Variants in SAMMSON observed in about 807,000 individuals in gnomAD.
The protein encoded by SAMMSON is survival associated mitochondrial melanoma specific oncogenic non-coding RNA.
chr3:70,097,921 A>G (rs189747131), intron 4 of SAMMSON, among the ~76,000 whole-genome samples: 15 of 152,372 alleles, frequency 9.8e-5, no homozygotes, highest in Admixed American at 7.2e-4. Context: ...AAAGCTTGAG[A>G]AATGAATGTA....
At chr3:70,345,416 C>G (rs1702743015) in intron 7 of SAMMSON, among the ~76,000 whole-genome samples, 4 of 152,216 alleles carry the variant, frequency 2.6e-5, no homozygotes, top group African/African-American at 4.8e-5. Flanking sequence ...TCAAGTGAGA[C>G]TGCTTCATAC....
intron 1 of SAMMSON, among the ~76,000 whole-genome samples, chr3:70,001,790 C>G (rs1474099356): frequency 6.6e-6 from 1 of 152,156 alleles, no homozygotes; most frequent in Non-Finnish European, 1.5e-5. Flanking sequence ...TCCAGAGTTA[C>G]TCAGGATCAG....
Position 70,156,710 on chromosome 3 carries a change from T to C in SAMMSON, n.507+85145T>C, listed in dbSNP as rs554626286. 2.4e-4 allele frequency among the ~76,000 whole-genome samples: 37 copies of C among 152,258 alleles called. No homozygotes were observed. In the East Asian group the frequency reaches 7.0e-3, roughly 29 times the overall value. On this transcript the variant is annotated intron_variant and non_coding_transcript_variant, in intron 4 of 9. Coordinates refer to ENST00000642114, the Ensembl canonical transcript of SAMMSON. The stretch of plus-strand genomic sequence containing the variant: ...ACAGGTCTTTTGGTTGAAATTTTGA[T>C]GTCTAAACTTCTGGAAAATGTCTGA...
chr3:70,164,493 A>G (rs190981430), intron 4 of SAMMSON, among the ~76,000 whole-genome samples: 2 of 152,154 alleles, frequency 1.3e-5, no homozygotes, highest in South Asian at 2.1e-4. Context: ...AATTCTGTAA[A>G]CCTTGTGCCT....
chr3:70,231,298 C>T (rs1347675775), intron 4 of SAMMSON, among the ~76,000 whole-genome samples: 3 of 152,186 alleles, frequency 2.0e-5, no homozygotes, highest in Non-Finnish European at 4.4e-5. Context: ...ACGCTCCTGC[C>T]CCTGCCTTTT....
chr3:70,138,386 C>A (rs923438258), intron 4 of SAMMSON, among the ~76,000 whole-genome samples: 1 of 152,134 alleles, frequency 6.6e-6, no homozygotes, highest in Non-Finnish European at 1.5e-5. Context: ...ATTCAGAGAC[C>A]CACTTCCTAG....
rs890897993 is a variant in SAMMSON at position 70,241,142 on chromosome 3, T to C, written n.508-7965T>C. Among the ~76,000 whole-genome samples, 9 of 152,290 alleles carry C rather than the reference T, an allele frequency of 5.9e-5. No individual in the cohort carries two copies. The South Asian group carries it at 1.7e-3, about 28-fold the overall frequency. On this transcript the variant is annotated intron_variant and non_coding_transcript_variant, in intron 4 of 9. Coordinates refer to ENST00000642114, the Ensembl canonical transcript of SAMMSON. ...GTACCATAAATGACATACGGGCTGA[T>C]AAATTTATCAGTTCCTGGGAGTTGA...
intron 4 of SAMMSON, among the ~76,000 whole-genome samples, chr3:70,130,371 T>C (rs941210552): frequency 1.3e-5 from 2 of 152,208 alleles, no homozygotes; most frequent in Non-Finnish European, 2.9e-5. Flanking sequence ...ATATTTTGCA[T>C]GTGCTAGGGT....
At chr3:70,318,664 G>T (rs1451871390) in intron 7 of SAMMSON, among the ~76,000 whole-genome samples, 2 of 151,886 alleles carry the variant, frequency 1.3e-5, no homozygotes, top group Non-Finnish European at 2.9e-5. Flanking sequence ...ACATTTTCTT[G>T]ATTCTTCAAA....
chr3:70,389,821 C>G (rs1045971396), exon 10 of SAMMSON: 1 of 151,998 alleles, frequency 6.6e-6, no homozygotes, highest in African/African-American at 2.4e-5. Flanking sequence ...ATGTCATTTG[C>G]GATTTGGTAG....
intron 1 of SAMMSON, among the ~76,000 whole-genome samples, chr3:70,005,928 T>A (rs1174594197): frequency 1.3e-5 from 2 of 152,204 alleles, no homozygotes; most frequent in African/African-American, 4.8e-5. Flanking sequence ...AGGCCACCCC[T>A]ATAGAAACTT....
At chr3:70,246,065 T>C (rs890230920) in intron 4 of SAMMSON, among the ~76,000 whole-genome samples, 1 of 151,908 alleles carries the variant, frequency 6.6e-6, no homozygotes, top group Non-Finnish European at 1.5e-5. Context: ...AGTTCTTTTA[T>C]TCCCAAAAGA....
At chr3:70,402,204 T>G (rs1164035448) in intron 2 of SAMMSON, among the ~76,000 whole-genome samples, 1 of 152,196 alleles carries the variant, frequency 6.6e-6, no homozygotes, top group African/African-American at 2.4e-5. Flanking sequence ...CAGTTGTTAT[T>G]TAATCCGGAG....
At chr3:70,207,631 A>G (rs1701305098) in intron 4 of SAMMSON, among the ~76,000 whole-genome samples, 1 of 152,008 alleles carries the variant, frequency 6.6e-6, no homozygotes, top group Non-Finnish European at 1.5e-5. Context: ...ATTCAGAAAA[A>G]GCTCCCCAAA....
chr3:70,404,418 G>C (rs939107776), intron 2 of SAMMSON, among the ~76,000 whole-genome samples: 1 of 152,084 alleles, frequency 6.6e-6, no homozygotes, highest in Non-Finnish European at 1.5e-5. Flanking sequence ...TTTTGATCTT[G>C]TCAAGATTCA....
intron 3 of SAMMSON, among the ~76,000 whole-genome samples, chr3:70,067,507 T>C (rs1367375332): frequency 6.6e-6 from 1 of 152,014 alleles, no homozygotes. Context: ...TCGCCCCCAC[T>C]TGGAACTAAA....
chr3:70,235,737 A>C (rs191788383), intron 4 of SAMMSON, among the ~76,000 whole-genome samples: 1 of 152,356 alleles, frequency 6.6e-6, no homozygotes, highest in Admixed American at 6.5e-5. Flanking sequence ...CAGGCCATTG[A>C]TAATTTATTG....
chr3:70,237,999 T>TTTTTTTTTTTTA (rs1701628589), intron 4 of SAMMSON, among the ~76,000 whole-genome samples: 1 of 142,356 alleles, frequency 7.0e-6, no homozygotes, highest in Non-Finnish European at 1.5e-5. Context: ...TTTTTTTTTT[T>TTTTTTTTTTTTA]TTTTTTGCCT....
In SAMMSON at chr3:70,213,440, A is replaced by T. The variant is rs910989841; in HGVS notation, n.508-35667A>T. Among the ~76,000 whole-genome samples the T allele has an allele frequency of 1.3e-5, 2 of 152,076 alleles. 1 individual carries two copies. The highest frequency in any genetic ancestry group is 1.3e-4 in the Admixed American group (2 of 15,248). ...ATGAGTGTATATTTCAAACGTATAG[A>T]CCATTTTTTAAGCTATAATGGTGAA... is the stretch of plus-strand genomic sequence containing the variant. On this transcript the variant is annotated intron_variant and non_coding_transcript_variant, in intron 4 of 9. Coordinates refer to ENST00000642114, the Ensembl canonical transcript of SAMMSON.
Sources: gnomAD v4.1 joint callset for allele counts (sites outside exome capture counted in the v4.1 genomes callset) on GRCh38, gnomAD v4.1.1 for gene constraint, MANE v1.5 for transcripts, NCBI Gene and HGNC (gene_info 2026-07-23, HGNC 2026-07-21) for gene names.